Variants in ZNF608 observed in about 807,000 individuals in gnomAD.
ZNF608 encodes zinc finger protein 608.
In ZNF608, 12 loss-of-function variants were observed where a neutral mutation model predicts 109.0. That is an observed-to-expected ratio of 0.11 (90% CI 0.07 to 0.18). The LOEUF is 0.18. Ranked by LOEUF, ZNF608 falls within the 10% of genes least tolerant of loss-of-function variation. The pLI is 1.00. For synonymous variants in ZNF608, 732 were observed against 717.4 expected (o/e 1.02, Z -0.33); for missense variants, 1,707 against 1,879.3 (o/e 0.91, Z 1.70).
At chr5:124,716,914 C>T (rs1262588701) in intron 2 of ZNF608, among the ~76,000 whole-genome samples, 1 of 151,406 alleles carries the variant, frequency 6.6e-6, no homozygotes, top group Non-Finnish European at 1.5e-5. Flanking sequence ...GAAACCCCGT[C>T]TCTACAAAAA....
intron 6 of ZNF608, 114 bp downstream of exon 6, chr5:124,644,130 A>G: frequency 9.9e-7 from 1 of 1,006,332 alleles, no homozygotes; most frequent in South Asian, 2.0e-5. Context: ...AACAGCATAA[A>G]AACAAGGAAA....
At chr5:124,652,393 T>C (rs1209501835) in intron 3 of ZNF608, among the ~76,000 whole-genome samples, 1 of 152,188 alleles carries the variant, frequency 6.6e-6, no homozygotes, top group Non-Finnish European at 1.5e-5. Flanking sequence ...TCAAAACAAA[T>C]GCTTTACACC....
chr5:124,747,609 C>T (rs553698455), upstream of ZNF608, among the ~76,000 whole-genome samples: 36 of 151,646 alleles, frequency 2.4e-4, no homozygotes, highest in African/African-American at 8.7e-4. Context: ...CTCCCCTCCC[C>T]CTGCACACAC....
intron 3 of ZNF608, among the ~76,000 whole-genome samples, chr5:124,676,388 A>G (rs560344995): frequency 6.6e-6 from 1 of 152,332 alleles, no homozygotes; most frequent in African/African-American, 2.4e-5. Context: ...GTTTTAACAA[A>G]TATTAATGAA....
rs1311530904 is a variant in ZNF608, at chr5:124,701,183, T to C, written c.993A>G (p.Pro331=). 4.3e-6 allele frequency: 7 copies of C among 1,613,850 alleles called. No individual in the cohort carries two copies. The highest frequency in any genetic ancestry group is 4.5e-5 in the East Asian group (2 of 44,884). Residue 331 remains proline, a synonymous_variant, in exon 3 of 10, where the codon CCA becomes CCG. Coordinates refer to ENST00000513986, the MANE Select transcript of ZNF608 (RefSeq NM_020747.3). ...CCGGTGCTGCAATATTGGATGAAGA[T>C]GGGGAAAAGTAGGAGGGTAGAATCT... ...TPQILPSYFS[P]SSSNIAAPVE...
upstream of ZNF608, chr5:124,748,664 C>T: frequency 1.3e-6 from 1 of 773,710 alleles, no homozygotes; most frequent in Non-Finnish European, 1.6e-6. Context: ...TCAAATGTCA[C>T]AGACCGTCCT....
chr5:124,740,467 G>A (rs1252920150), intron 2 of ZNF608, among the ~76,000 whole-genome samples: 1 of 147,678 alleles, frequency 6.8e-6, no homozygotes, highest in Non-Finnish European at 1.5e-5. Flanking sequence ...TTTCACAGTA[G>A]ATACACTACA....
intron 3 of ZNF608, among the ~76,000 whole-genome samples, chr5:124,656,698 T>C (rs1751023648): frequency 6.6e-6 from 1 of 152,062 alleles, no homozygotes; most frequent in Admixed American, 6.5e-5. Flanking sequence ...ACTTATCTCT[T>C]TCAAAAGTAC....
intron 3 of ZNF608, among the ~76,000 whole-genome samples, chr5:124,657,497 TA>T (rs1751062649): frequency 6.6e-6 from 1 of 151,570 alleles, no homozygotes; most frequent in African/African-American, 2.4e-5. Flanking sequence ...CAGTCTCTAC[TA>T]AAAAATAAAA....
At chr5:124,688,046 T>C (rs1296483789) in intron 3 of ZNF608, among the ~76,000 whole-genome samples, 1 of 152,132 alleles carries the variant, frequency 6.6e-6, no homozygotes, top group Admixed American at 6.5e-5. Context: ...TTCTTTATTC[T>C]GAAAAAGCAG....
intron 3 of ZNF608, among the ~76,000 whole-genome samples, chr5:124,695,452 A>G (rs1752808275): frequency 6.6e-6 from 1 of 152,316 alleles, no homozygotes; most frequent in South Asian, 2.1e-4. Context: ...TTTCCATTAC[A>G]TAGGATCATT....
intron 3 of ZNF608, among the ~76,000 whole-genome samples, chr5:124,670,332 T>C (rs1751661868): frequency 6.6e-6 from 1 of 151,142 alleles, no homozygotes; most frequent in Non-Finnish European, 1.5e-5. Flanking sequence ...CCTTTTTCTT[T>C]CTTTCTTTTT....
chr5:124,737,349 T>C (rs1749198451), intron 2 of ZNF608, among the ~76,000 whole-genome samples: 1 of 152,174 alleles, frequency 6.6e-6, no homozygotes, highest in East Asian at 1.9e-4. Context: ...GCTCAGTAGT[T>C]GGGTTGGAAT....
intron 3 of ZNF608, among the ~76,000 whole-genome samples, chr5:124,686,851 A>C (rs1023859921): frequency 1.3e-5 from 2 of 152,244 alleles, no homozygotes; most frequent in Admixed American, 6.5e-5. Context: ...TGGCAGGATC[A>C]AAACTGCCCA....
At chr5:124,669,139 T>C (rs563850141) in intron 3 of ZNF608, among the ~76,000 whole-genome samples, 28 of 152,198 alleles carry the variant, frequency 1.8e-4, no homozygotes, top group African/African-American at 6.0e-4. Flanking sequence ...CTGGTAAATA[T>C]GACCATAGAC....
rs545199655 is a variant in ZNF608 at position 124,651,788 on chromosome 5, G to T, written c.1163-2091C>A. ...TCTGATTGGCTGGGCCGAGGCGGCC[G>T]CCCGGAGCACAGAGGCAGCGGTCGG... On this transcript the variant is annotated intron_variant, in intron 3 of 9. Transcript: ENST00000513986. Among the ~76,000 whole-genome samples, 19 of 152,370 alleles carry T rather than the reference G, an allele frequency of 1.2e-4. 2 individuals are homozygous for T. In the South Asian group the frequency reaches 2.7e-3, roughly 22 times the overall value.
intron 2 of ZNF608, among the ~76,000 whole-genome samples, chr5:124,722,840 A>G (rs564097125): frequency 6.6e-6 from 1 of 152,278 alleles, no homozygotes; most frequent in South Asian, 2.1e-4. Context: ...CTCTTCGGAT[A>G]ATTCAGATGC....
chr5:124,657,908 C>A (rs904369766), intron 3 of ZNF608, among the ~76,000 whole-genome samples: 1 of 152,102 alleles, frequency 6.6e-6, no homozygotes, highest in South Asian at 2.1e-4. Flanking sequence ...GAATTTTGAT[C>A]AGTAACAAAA....
rs1292843614 is a variant in ZNF608, at chr5:124,716,139, T to C, written c.907-14870A>G. Among the ~76,000 whole-genome samples the C allele has an allele frequency of 1.5e-3, 147 of 100,882 alleles. 1 individual carries two copies. Among genetic ancestry groups the C allele is most frequent in the African/African-American group, 6.1e-3 (140 of 22,798 alleles). 66.2% of individuals were successfully genotyped at this position (100,882 alleles called of 152,430 possible). On this transcript the variant is annotated intron_variant, in intron 2 of 9. Transcript: ENST00000513986. ...GCCTGGGCGACAGAGCGAGAATCCG[T>C]CTCAAAAAAAAAAAAAAAAAAAAAG...
Sources: gnomAD v4.1 joint callset for allele counts (sites outside exome capture counted in the v4.1 genomes callset) on GRCh38, gnomAD v4.1.1 for gene constraint, MANE v1.5 for transcripts, NCBI Gene and HGNC (gene_info 2026-07-23, HGNC 2026-07-21) for gene names.